The following CTDSPL variants were observed in gnomAD, a reference collection of about 807,000 sequenced individuals.
CTDSPL encodes the protein CTD small phosphatase-like protein.
CTDSPL carries 8 observed loss-of-function variants against 30.5 expected under a neutral mutation model. The observed-to-expected ratio is 0.26, with a 90% confidence interval of 0.15 to 0.47. CTDSPL has a LOEUF of 0.47. CTDSPL is among the 20% of genes least tolerant of loss of function. The probability of loss-of-function intolerance (pLI) is 0.99; values close to 1 mark genes in which losing one functional copy is unlikely to be tolerated. For synonymous variants in CTDSPL, 110 were observed against 137.9 expected (o/e 0.80, Z 1.42); for missense variants, 248 against 366.1 (o/e 0.68, Z 2.63).
chr3:37,933,961 A>G (rs1415998280), intron 1 of CTDSPL, among the ~76,000 whole-genome samples: 2 of 152,222 alleles, frequency 1.3e-5, no homozygotes, highest in Admixed American at 6.5e-5. Flanking sequence ...TTTTTAAAGG[A>G]AACAACATAA....
chr3:37,928,226 T>A (rs1202370432), intron 1 of CTDSPL, among the ~76,000 whole-genome samples: 1 of 152,244 alleles, frequency 6.6e-6, no homozygotes, highest in East Asian at 1.9e-4. Context: ...CTGTTTTCAG[T>A]TATTTTGCAT....
chr3:37,945,174 A>T (rs1295913422), intron 1 of CTDSPL, among the ~76,000 whole-genome samples: 4 of 150,314 alleles, frequency 2.7e-5, no homozygotes, highest in African/African-American at 9.7e-5. Context: ...TGGGTGTGGC[A>T]TAAAAATTAA....
intron 6 of CTDSPL, among the ~76,000 whole-genome samples, chr3:37,972,385 G>A (rs535939943): frequency 3.3e-5 from 5 of 152,188 alleles, no homozygotes; most frequent in South Asian, 4.2e-4. Flanking sequence ...CCAGCTACTC[G>A]GGAGGCTGAG....
At chr3:37,966,123 T>C (rs1699296247) in intron 4 of CTDSPL, among the ~76,000 whole-genome samples, 1 of 152,186 alleles carries the variant, frequency 6.6e-6, no homozygotes, top group African/African-American at 2.4e-5. Flanking sequence ...GATCACCTGA[T>C]GTTACTGAGG....
chr3:37,946,991 T>G, intron 1 of CTDSPL, 66 bp from the exon 2 acceptor site: 1 of 1,501,498 alleles, frequency 6.7e-7, no homozygotes, highest in Non-Finnish European at 9.0e-7. Context: ...CTCAGATTTT[T>G]GCATTATATT....
At chr3:37,976,519 C>G (rs941994619) in intron 7 of CTDSPL, among the ~76,000 whole-genome samples, 4 of 151,764 alleles carry the variant, frequency 2.6e-5, no homozygotes, top group Non-Finnish European at 5.9e-5. Flanking sequence ...GTAGTCTCAG[C>G]TACTCGGGAG....
intron 1 of CTDSPL, among the ~76,000 whole-genome samples, chr3:37,893,691 A>G (rs1698357758): frequency 6.6e-6 from 1 of 152,228 alleles, no homozygotes; most frequent in Non-Finnish European, 1.5e-5. Flanking sequence ...ATAAGTATAA[A>G]TATTCCTTGA....
chr3:37,889,437 G>A (rs899114308), intron 1 of CTDSPL, among the ~76,000 whole-genome samples: 1 of 152,024 alleles, frequency 6.6e-6, no homozygotes, highest in Non-Finnish European at 1.5e-5. Flanking sequence ...AAATGAAATC[G>A]GCGGTTTCCA....
At chr3:37,882,043 C>G (rs1370698989) in intron 1 of CTDSPL, among the ~76,000 whole-genome samples, 5 of 152,168 alleles carry the variant, frequency 3.3e-5, no homozygotes, top group Non-Finnish European at 7.4e-5. Flanking sequence ...CGTGGTGGCT[C>G]ACGCCTGTAG....
chr3:37,957,046 G>T, intron 2 of CTDSPL, 65 bp from the exon 3 acceptor site: 1 of 1,362,048 alleles, frequency 7.3e-7, no homozygotes, highest in Non-Finnish European at 1.0e-6. Flanking sequence ...GGGCTTTGAA[G>T]TTTCTTTTGA....
intron 1 of CTDSPL, among the ~76,000 whole-genome samples, chr3:37,864,278 T>A (rs980689750): frequency 6.6e-6 from 1 of 152,210 alleles, no homozygotes; most frequent in African/African-American, 2.4e-5. Flanking sequence ...CTGCCAACTT[T>A]CCCTTTTCCT....
At chr3:37,864,267 T>C (rs1233028767) in intron 1 of CTDSPL, among the ~76,000 whole-genome samples, 8 of 152,206 alleles carry the variant, frequency 5.3e-5, no homozygotes, top group Admixed American at 5.2e-4. Flanking sequence ...GAGCAGGAGC[T>C]CTGCCAACTT....
chr3:37,870,466 A>G (rs139570423), intron 1 of CTDSPL, among the ~76,000 whole-genome samples: 28 of 152,178 alleles, frequency 1.8e-4, no homozygotes, highest in African/African-American at 4.1e-4. Flanking sequence ...TTGTGTGTCA[A>G]TCTTGCTTGA....
At position 37,971,293 on chromosome 3, in the gene CTDSPL, G is replaced by A. The variant is rs1699363989; in HGVS notation, c.427-114G>A. The stretch of plus-strand genomic sequence containing the variant: ...GCCTCTGCCTGCTATGCATAGACCT[G>A]GGGGAGGGAGGCAGGAACCTTTGTA... On this transcript the variant is annotated intron_variant, in intron 5 of 7. Transcript: ENST00000273179. The A allele has an allele frequency of 6.9e-6, 6 of 869,204 alleles. No individual in the cohort carries two copies. In the South Asian group the frequency reaches 9.5e-5, roughly 14 times the overall value. The allele number at this position is 869,204 out of a possible 1,614,324, so 53.8% of individuals were successfully genotyped here. A position where few individuals can be genotyped will look rare whatever the true frequency, so the allele number is the denominator to read the frequency against.
intron 1 of CTDSPL, among the ~76,000 whole-genome samples, chr3:37,892,919 T>C (rs1408177862): frequency 6.6e-6 from 1 of 152,216 alleles, no homozygotes; most frequent in Non-Finnish European, 1.5e-5. Context: ...AGGTGATCTT[T>C]AGGGAAAAGA....
chr3:37,874,985 C>G (rs1280923268), intron 1 of CTDSPL, among the ~76,000 whole-genome samples: 3 of 152,152 alleles, frequency 2.0e-5, no homozygotes, highest in Admixed American at 2.0e-4. Flanking sequence ...TCTTAAAAAT[C>G]CACTACCTTT....
intron 3 of CTDSPL, among the ~76,000 whole-genome samples, chr3:37,960,505 A>AAAATAT (rs1553686722): frequency 2.6e-5 from 1 of 38,520 alleles, no homozygotes; most frequent in Non-Finnish European, 4.4e-5. Flanking sequence ...AAAAAAAAAA[A>AAAATAT]ATATATATAT....
chr3:37,877,783 G>A (rs973832436), intron 1 of CTDSPL, among the ~76,000 whole-genome samples: 4 of 152,108 alleles, frequency 2.6e-5, no homozygotes, highest in East Asian at 3.8e-4. Context: ...GCTTATAGTC[G>A]TGGCAGAAGG....
At chr3:37,971,594 G>T in intron 6 of CTDSPL, 95 bp downstream of exon 6, 2 of 1,144,586 alleles carry the variant, frequency 1.7e-6, no homozygotes, top group Non-Finnish European at 2.5e-6. Context: ...TGTTTTGGTG[G>T]GGGAAGCCAT....
Sources: gnomAD v4.1 joint callset for allele counts (sites outside exome capture counted in the v4.1 genomes callset) on GRCh38, gnomAD v4.1.1 for gene constraint, MANE v1.5 for transcripts, NCBI Gene and HGNC (gene_info 2026-07-23, HGNC 2026-07-21) for gene names.